Variants in WDPCP observed in about 807,000 individuals in gnomAD.
The protein encoded by WDPCP is WD repeat-containing and planar cell polarity effector protein fritz homolog.
WDPCP carries 71 observed loss-of-function variants against 93.1 expected under a neutral mutation model. The ratio of observed to expected loss-of-function variants is 0.76; its 90% CI spans 0.63 to 0.93. The LOEUF is 0.93. WDPCP is among the 40% of genes least tolerant of loss of function. WDPCP has a pLI of 0.00. For missense variants in WDPCP, 844 were observed against 887.4 expected, an observed-to-expected ratio of 0.95 and a Z score of 0.62; for synonymous variants, 315 against 315.0, an observed-to-expected ratio of 1.00 and a Z score of 0.00.
intron 2 of WDPCP, among the ~76,000 whole-genome samples, chr2:63,791,031 T>C (rs1670536996): frequency 6.6e-6 from 1 of 152,176 alleles, no homozygotes; most frequent in African/African-American, 2.4e-5. Flanking sequence ...AATACTGATT[T>C]AGCAACTGTT....
intron 13 of WDPCP, among the ~76,000 whole-genome samples, chr2:63,278,915 T>C (rs574438194): frequency 1.5e-4 from 23 of 152,250 alleles, no homozygotes; most frequent in African/African-American, 5.5e-4. Flanking sequence ...CCTAGAAATA[T>C]ACAACCCTCC....
chr2:63,348,406 T>C (rs565128559), intron 12 of WDPCP, among the ~76,000 whole-genome samples: 32 of 152,326 alleles, frequency 2.1e-4, no homozygotes, highest in Non-Finnish European at 3.5e-4. Flanking sequence ...TGCATCCTCC[T>C]CAATACCTAG....
chr2:63,421,391 A>G (rs1695848964), intron 9 of WDPCP, among the ~76,000 whole-genome samples: 1 of 152,162 alleles, frequency 6.6e-6, no homozygotes, highest in Admixed American at 6.5e-5. Flanking sequence ...TAAAAACTTT[A>G]TTTCATTAAA....
At chr2:63,462,770 T>C (rs1157303217) in intron 6 of WDPCP, among the ~76,000 whole-genome samples, 1 of 152,040 alleles carries the variant, frequency 6.6e-6, no homozygotes, top group Non-Finnish European at 1.5e-5. Context: ...AAGAGGATAA[T>C]TTCGAAGATA....
At chr2:63,439,712 C>T in intron 7 of WDPCP, 45 bp downstream of exon 7, 1 of 1,534,188 alleles carries the variant, frequency 6.5e-7, no homozygotes, top group Non-Finnish European at 9.0e-7. Context: ...TTTCTCCTGC[C>T]CCACTGTTAA....
At chr2:63,255,987 C>T (rs1559252315) in intron 14 of WDPCP, among the ~76,000 whole-genome samples, 1 of 152,006 alleles carries the variant, frequency 6.6e-6, no homozygotes, top group African/African-American at 2.4e-5. Flanking sequence ...TGTGGAAGAC[C>T]ACTACTATGA....
intron 13 of WDPCP, among the ~76,000 whole-genome samples, chr2:63,276,587 G>T (rs1559273702): frequency 6.6e-6 from 1 of 152,158 alleles, no homozygotes; most frequent in Non-Finnish European, 1.5e-5. Context: ...AAATGCACTG[G>T]AAAGTCTCAG....
intron 12 of WDPCP, among the ~76,000 whole-genome samples, chr2:63,344,594 T>C (rs1689065277): frequency 6.6e-6 from 1 of 152,180 alleles, no homozygotes; most frequent in Admixed American, 6.6e-5. Flanking sequence ...CATCCTTTTC[T>C]TTCCCAGGTT....
At position 63,527,974 on chromosome 2, in the gene WDPCP, C is replaced by T. The variant is rs1328400744; in HGVS notation, c.76-35034G>A. The stretch of plus-strand genomic sequence containing the variant: ...TTTGCATTTCTCTGATGGCCAGTGA[C>T]AATGAGCATTTTTTCATGTGTCTGT... On this transcript the variant is annotated intron_variant, in intron 1 of 17. Coordinates refer to ENST00000272321, the MANE Select transcript of WDPCP (RefSeq NM_015910.7). Among the ~76,000 whole-genome samples, 6 of 151,902 alleles carry T rather than the reference C, an allele frequency of 3.9e-5. No individual in the cohort carries two copies. In the East Asian group the frequency reaches 5.8e-4, roughly 15 times the overall value.
intron 2 of WDPCP, among the ~76,000 whole-genome samples, chr2:63,766,500 T>C (rs1397163083): frequency 1.3e-5 from 2 of 151,948 alleles, no homozygotes; most frequent in African/African-American, 2.4e-5. Flanking sequence ...TAGCCAATAT[T>C]AATTTTTTGA....
chr2:63,313,870 A>ATATATATGTGTGTG (rs1686387860), intron 12 of WDPCP, among the ~76,000 whole-genome samples: 1 of 48,686 alleles, frequency 2.1e-5, no homozygotes, highest in South Asian at 7.2e-4. Flanking sequence ...ATATATATAT[A>ATATATATGTGTGTG]TATATATATA....
At chr2:63,567,942 G>C (rs1707198019) in intron 1 of WDPCP, among the ~76,000 whole-genome samples, 1 of 152,150 alleles carries the variant, frequency 6.6e-6, no homozygotes, top group South Asian at 2.1e-4. Flanking sequence ...GTATGTCTTT[G>C]AATTTAGAAT....
At chr2:63,246,972 G>A (rs1480295738) in intron 14 of WDPCP, among the ~76,000 whole-genome samples, 1 of 152,172 alleles carries the variant, frequency 6.6e-6, no homozygotes, top group Non-Finnish European at 1.5e-5. Context: ...GTGACACTGT[G>A]AAAATGTGTG....
intron 1 of WDPCP, among the ~76,000 whole-genome samples, chr2:63,504,925 AAAGT>A (rs767227172): frequency 5.9e-5 from 9 of 152,050 alleles, no homozygotes; most frequent in African/African-American, 1.4e-4. Flanking sequence ...AGATGATATA[AAAGT>A]AAGCTCCAAT....
At chr2:63,469,645 G>C (rs1227975823) in intron 6 of WDPCP, among the ~76,000 whole-genome samples, 2 of 152,074 alleles carry the variant, frequency 1.3e-5, no homozygotes, top group African/African-American at 4.8e-5. Context: ...GGAGCTAAAT[G>C]ATGAGAACAC....
chr2:63,362,277 T>TTGGGGGTGTGGGTGTGTGTGTG (rs1553362983), intron 12 of WDPCP, among the ~76,000 whole-genome samples: 1 of 94,132 alleles, frequency 1.1e-5, no homozygotes, highest in Non-Finnish European at 1.9e-5. Flanking sequence ...TTTTTTTTGG[T>TTGGGGGTGTGGGTGTGTGTGTG]TGTGTGTGTG....
intron 12 of WDPCP, among the ~76,000 whole-genome samples, chr2:63,360,700 G>A (rs1213264774): frequency 1.3e-5 from 2 of 152,164 alleles, no homozygotes; most frequent in Non-Finnish European, 2.9e-5. Context: ...ATTTAAAAAC[G>A]TAGATAACAT....
intron 1 of WDPCP, among the ~76,000 whole-genome samples, chr2:63,569,028 T>G (rs1265668804): frequency 6.6e-6 from 1 of 152,210 alleles, no homozygotes; most frequent in African/African-American, 2.4e-5. Flanking sequence ...TCTACTTTAT[T>G]TTTCATAGTA....
chr2:63,571,224 T>C (rs764244727), intron 1 of WDPCP, among the ~76,000 whole-genome samples: 25 of 152,312 alleles, frequency 1.6e-4, no homozygotes, highest in Non-Finnish European at 2.8e-4. Context: ...GTAAATTATT[T>C]AACATTACCA....
Sources: allele counts gnomAD v4.1 joint callset (sites outside exome capture counted in the v4.1 genomes callset), GRCh38; gene constraint gnomAD v4.1.1; transcripts MANE v1.5; gene names NCBI Gene and HGNC (gene_info 2026-07-23, HGNC 2026-07-21).